WDR7: variants seen among roughly 807,000 people sequenced by gnomAD.
WDR7 encodes the protein WD repeat-containing protein 7.
In WDR7, 46 loss-of-function variants were observed where a neutral mutation model predicts 169.4. The observed-to-expected ratio is 0.27, with a 90% CI of 0.21 to 0.35. WDR7 has a LOEUF of 0.35. Ranked by LOEUF, WDR7 falls within the 10% of genes least tolerant of loss-of-function variation. The pLI is 1.00. For synonymous variants in WDR7, 612 were observed against 666.8 expected (o/e 0.92, Z 1.27); for missense variants, 1,534 against 1,859.3 (o/e 0.83, Z 3.22).
intron 20 of WDR7, among the ~76,000 whole-genome samples, chr18:56,831,218 A>C (rs2045302574): frequency 6.6e-6 from 1 of 152,170 alleles, no homozygotes; most frequent in African/African-American, 2.4e-5. Context: ...GAGGTGGTAC[A>C]GCCATTTGGG....
intron 20 of WDR7, among the ~76,000 whole-genome samples, chr18:56,840,927 T>C (rs1177931837): frequency 6.6e-6 from 1 of 152,056 alleles, no homozygotes; most frequent in Non-Finnish European, 1.5e-5. Flanking sequence ...TGATGGCTCA[T>C]GCCTGTAATC....
At chr18:57,015,185 G>A (rs2048189763) in intron 26 of WDR7, among the ~76,000 whole-genome samples, 1 of 152,204 alleles carries the variant, frequency 6.6e-6, no homozygotes, top group South Asian at 2.1e-4. Flanking sequence ...AGCAGAATGG[G>A]TGACCTTTCA....
intron 21 of WDR7, among the ~76,000 whole-genome samples, chr18:56,920,093 TAC>T (rs1487736104): frequency 2.6e-5 from 4 of 152,138 alleles, no homozygotes; most frequent in Non-Finnish European, 5.9e-5. Context: ...CAACCATACA[TAC>T]ACACAGTTTC....
chr18:56,652,784 C>A (rs1275929386), intron 1 of WDR7, among the ~76,000 whole-genome samples: 1 of 151,578 alleles, frequency 6.6e-6, no homozygotes, highest in African/African-American at 2.4e-5. Context: ...AGAGTATGCC[C>A]TTTATTTTTT....
In WDR7 at chr18:57,027,024, A is replaced by C. The variant is rs549221205; in HGVS notation, c.4290A>C (p.Gly1430=). 3 of 1,614,002 alleles carry C rather than the reference A, an allele frequency of 1.9e-6. No individual in the cohort carries two copies. In the South Asian group the frequency reaches 3.3e-5, roughly 18 times the overall value. Residue 1430 remains glycine, a synonymous_variant, in exon 28 of 28, where the codon GGA becomes GGC. Transcript: ENST00000254442. ...TCCAGATGAACACGTCACTGCTGGG[A>C]AGCATCGGCATGCTGAACTCGGCAC... is the stretch of plus-strand genomic sequence containing the variant. ...SFWQMNTSLL[G]SIGMLNSAPQ... is the part of the protein sequence containing the mutation.
chr18:56,705,853 C>A (rs1268157523), intron 12 of WDR7, among the ~76,000 whole-genome samples: 1 of 152,140 alleles, frequency 6.6e-6, no homozygotes, highest in African/African-American at 2.4e-5. Flanking sequence ...AAAAAATTAG[C>A]TGGGTGTGGT....
intron 21 of WDR7, among the ~76,000 whole-genome samples, chr18:56,916,262 C>A (rs2046623667): frequency 6.6e-6 from 1 of 150,880 alleles, no homozygotes. Flanking sequence ...TGCTATCCCT[C>A]CCCCCTCCCG....
chr18:56,662,869 G>A (rs558693137), intron 1 of WDR7, among the ~76,000 whole-genome samples: 2 of 152,202 alleles, frequency 1.3e-5, no homozygotes, highest in African/African-American at 4.8e-5. Context: ...AAATAAGGTG[G>A]GATCATTCTA....
At chr18:56,752,743 C>G (rs910731556) in intron 14 of WDR7, among the ~76,000 whole-genome samples, 1 of 152,028 alleles carries the variant, frequency 6.6e-6, no homozygotes, top group Non-Finnish European at 1.5e-5. Context: ...ATACTTAGAA[C>G]AGAAGTTTAC....
rs368590978 is a variant in WDR7 at position 56,837,787 on chromosome 18, A to C, written c.3304+21643A>C. Among the ~76,000 whole-genome samples, 26 of 152,170 alleles carry C rather than the reference A, an allele frequency of 1.7e-4. No homozygotes were observed. In the South Asian group the frequency reaches 5.4e-3, roughly 32 times the overall value. ...GCTATTCTCCTGCCTCAGCCTCCCA[A>C]GTAGCTGGATTACAGGTGCCCACCA... On this transcript the variant is annotated intron_variant, in intron 20 of 27. Transcript: ENST00000254442.
chr18:56,758,861 T>C lies in WDR7; in HGVS notation c.2760-4T>C. ...TATCTTGTATTTTTTTCTTCTTTTT[T>C]AAGGCCACCTAGACCAAGCACCCCA... On this transcript the variant is annotated splice_polypyrimidine_tract_variant and splice_region_variant and intron_variant, in intron 15 of 27. Coordinates refer to ENST00000254442, the MANE Select transcript of WDR7 (RefSeq NM_015285.3). 2 of 1,596,978 alleles carry C rather than the reference T, an allele frequency of 1.3e-6. No individual in the cohort carries two copies. Among genetic ancestry groups the C allele is most frequent in the Non-Finnish European group, 1.7e-6 (2 of 1,174,510 alleles).
chr18:56,713,782 T>C (rs573264473), intron 12 of WDR7, among the ~76,000 whole-genome samples: 1 of 152,286 alleles, frequency 6.6e-6, no homozygotes, highest in South Asian at 2.1e-4. Flanking sequence ...AAAGGAATTG[T>C]GCTAATTTAA....
At chr18:56,915,456 T>C (rs926241662) in intron 21 of WDR7, among the ~76,000 whole-genome samples, 7 of 152,216 alleles carry the variant, frequency 4.6e-5, no homozygotes, top group African/African-American at 1.7e-4. Flanking sequence ...TATTCTCCCA[T>C]AGGAATTTGG....
At chr18:56,964,220 A>G (rs958157529) in intron 26 of WDR7, among the ~76,000 whole-genome samples, 1 of 151,998 alleles carries the variant, frequency 6.6e-6, no homozygotes, top group Non-Finnish European at 1.5e-5. Context: ...AAAAAAAAAA[A>G]AAAAAAAGAA....
At chr18:56,793,504 T>C (rs1166448977) in intron 19 of WDR7, among the ~76,000 whole-genome samples, 1 of 152,218 alleles carries the variant, frequency 6.6e-6, no homozygotes, top group African/African-American at 2.4e-5. Flanking sequence ...AGTAAATCAA[T>C]TTCTAGAAAG....
chr18:57,006,858 C>T (rs912049147), intron 26 of WDR7, among the ~76,000 whole-genome samples: 3 of 151,710 alleles, frequency 2.0e-5, no homozygotes, highest in African/African-American at 4.8e-5. Context: ...TTTGTGTGTT[C>T]GAGAAGAATC....
At chr18:56,712,046 A>G (rs1376384452) in intron 12 of WDR7, among the ~76,000 whole-genome samples, 2 of 152,250 alleles carry the variant, frequency 1.3e-5, no homozygotes, top group Non-Finnish European at 2.9e-5. Context: ...TTTTGGGCAC[A>G]TAAGACCATT....
chr18:56,777,534 C>T (rs1335972395), intron 17 of WDR7, among the ~76,000 whole-genome samples: 1 of 152,068 alleles, frequency 6.6e-6, no homozygotes, highest in Non-Finnish European at 1.5e-5. Flanking sequence ...ACCTTTATTC[C>T]ATAAGACCTA....
intron 13 of WDR7, among the ~76,000 whole-genome samples, chr18:56,720,279 T>C (rs1052863176): frequency 6.6e-6 from 1 of 151,600 alleles, no homozygotes; most frequent in African/African-American, 2.4e-5. Flanking sequence ...AAACTCTGTC[T>C]CTACAAAAAA....
Sources: gnomAD v4.1 joint callset for allele counts (sites outside exome capture counted in the v4.1 genomes callset) on GRCh38, gnomAD v4.1.1 for gene constraint, MANE v1.5 for transcripts, NCBI Gene and HGNC (gene_info 2026-07-23, HGNC 2026-07-21) for gene names.